The following DNAH7 variants were observed in gnomAD, a reference collection of about 807,000 sequenced individuals.
DNAH7 encodes the protein axonemal beta dynein heavy chain 7.
Under a neutral mutation model 444.6 loss-of-function variants are expected in DNAH7, and 397 were observed. The ratio of observed to expected loss-of-function variants is 0.89; its 90% CI spans 0.82 to 0.97. DNAH7 has a LOEUF of 0.97. Among genes scored for constraint, DNAH7 ranks in the 50% least tolerant of loss-of-function variants. The pLI is 0.00. For synonymous variants in DNAH7, 1,636 were observed against 1,624.4 expected (o/e 1.01, Z -0.17); for missense variants, 4,902 against 4,800.8 (o/e 1.02, Z -0.62).
At chr2:195,974,069 T>C (rs943091608) in intron 15 of DNAH7, among the ~76,000 whole-genome samples, 28 of 151,608 alleles carry the variant, frequency 1.8e-4, no homozygotes, top group Admixed American at 1.7e-3. Flanking sequence ...AGAATGAGAC[T>C]CCATTTCAAG....
chr2:195,857,813 AACTC>A (rs1336152851), intron 43 of DNAH7, 90 bp from the exon 44 acceptor site: 14 of 1,136,430 alleles, frequency 1.2e-5, no homozygotes, highest in South Asian at 6.7e-5. Context: ...AGCATACAGA[AACTC>A]ACTGTGTTCA....
At chr2:195,850,296 A>AG (rs1438819579) in intron 46 of DNAH7, among the ~76,000 whole-genome samples, 8 of 150,782 alleles carry the variant, frequency 5.3e-5, no homozygotes, top group African/African-American at 1.7e-4. Context: ...AAAAAAAAAA[A>AG]AGGGGAGAGA....
rs1174382112 is a variant in DNAH7, at chr2:195,857,701, A to G, written c.8090T>C (p.Met2697Thr). The part of the protein sequence containing the change: ...TAQDITVVKS[M>T]KSPPAGVKLV... ...CTTGACACCAGCAGGAGGACTCTTCATGGATTTTACCACTGTAATATCCTT... is the reference window on the plus strand; with the variant it reads ...CTTGACACCAGCAGGAGGACTCTTCGTGGATTTTACCACTGTAATATCCTT... The change falls in exon 44 of 65, where the codon ATG becomes ACG. Residue 2697 changes from methionine (M) to threonine (T), a missense_variant. By Grantham distance (81) the Met-to-Thr change is moderately conservative. Coordinates refer to ENST00000312428, the MANE Select transcript of DNAH7 (RefSeq NM_018897.3). 3 of 1,608,564 alleles carry G rather than the reference A, an allele frequency of 1.9e-6. No individual in the cohort carries two copies. The highest frequency in any genetic ancestry group is 8.5e-7 in the Non-Finnish European group (1 of 1,177,908).
In DNAH7 at chr2:196,027,949, T is replaced by G; in HGVS notation, c.486+11A>C. The G allele has an allele frequency of 6.2e-7, 1 of 1,608,824 alleles. No individual in the cohort carries two copies. The highest frequency in any genetic ancestry group is 2.2e-5 in the East Asian group (1 of 44,620). On this transcript the variant is annotated intron_variant, in intron 6 of 64. Transcript: ENST00000312428. The stretch of plus-strand genomic sequence containing the variant: ...TTTTCAATTATACAGACAAAACAAA[T>G]GGCCAGTTACCAAGATGTCTTTCTC...
At chr2:195,895,957 C>T (rs1053951050) in intron 29 of DNAH7, among the ~76,000 whole-genome samples, 1 of 152,074 alleles carries the variant, frequency 6.6e-6, no homozygotes. Context: ...AATCTATCCA[C>T]CTATTGATGT....
At chr2:195,803,127 G>C (rs531274637) in intron 54 of DNAH7, among the ~76,000 whole-genome samples, 4 of 152,002 alleles carry the variant, frequency 2.6e-5, no homozygotes, top group Non-Finnish European at 4.4e-5. Context: ...GTCTTTTCTC[G>C]ATAGATTTTT....
chr2:195,777,198 T>C (rs536146550), intron 59 of DNAH7, among the ~76,000 whole-genome samples: 1 of 152,272 alleles, frequency 6.6e-6, no homozygotes, highest in Admixed American at 6.5e-5. Context: ...GTCTTAGCAA[T>C]CTCTAGAAAT....
At chr2:195,841,309 AC>A (rs1298789401) in intron 47 of DNAH7, among the ~76,000 whole-genome samples, 1 of 151,648 alleles carries the variant, frequency 6.6e-6, no homozygotes, top group African/African-American at 2.4e-5. Context: ...GCAATTATAC[AC>A]AAACAAATCT....
intron 18 of DNAH7, among the ~76,000 whole-genome samples, chr2:195,959,772 C>A (rs1690950452): frequency 6.6e-6 from 1 of 152,196 alleles, no homozygotes; most frequent in Non-Finnish European, 1.5e-5. Flanking sequence ...ATTATAGTTT[C>A]ATTCTTTTTC....
chr2:195,789,795 A>T (rs1695792748), intron 57 of DNAH7, among the ~76,000 whole-genome samples: 2 of 152,244 alleles, frequency 1.3e-5, no homozygotes, highest in South Asian at 2.1e-4. Context: ...TGAGAAATTT[A>T]TTAAAAAACA....
chr2:195,762,811 G>C (rs1473006755), intron 61 of DNAH7, among the ~76,000 whole-genome samples: 1 of 151,952 alleles, frequency 6.6e-6, no homozygotes, highest in African/African-American at 2.4e-5. Context: ...TTCAGCATCA[G>C]ACAGACCATC....
chr2:195,764,732 A>G (rs1694496357), intron 61 of DNAH7, among the ~76,000 whole-genome samples: 1 of 152,140 alleles, frequency 6.6e-6, no homozygotes, highest in Non-Finnish European at 1.5e-5. Context: ...AAGAAATTGA[A>G]GAAGACACAG....
chr2:196,019,827 TAC>T (rs1297847458), intron 8 of DNAH7, among the ~76,000 whole-genome samples: 2 of 152,238 alleles, frequency 1.3e-5, no homozygotes, highest in African/African-American at 4.8e-5. Flanking sequence ...AAGACACATT[TAC>T]AGTTAACCCT....
At chr2:195,956,248 T>C (rs1463693877) in intron 19 of DNAH7, among the ~76,000 whole-genome samples, 3 of 152,192 alleles carry the variant, frequency 2.0e-5, no homozygotes, top group South Asian at 2.1e-4. Context: ...TAGTATTATA[T>C]TTTATCAAAA....
chr2:196,043,110 T>C (rs954351489), intron 5 of DNAH7, among the ~76,000 whole-genome samples: 4 of 152,090 alleles, frequency 2.6e-5, no homozygotes, highest in African/African-American at 9.7e-5. Context: ...ATGACAAAAG[T>C]ATTCTAAAAC....
rs748655159 is a variant in DNAH7 at position 195,873,693 on chromosome 2, A to T, written c.6288T>A (p.Gly2096=). 4.6e-6 allele frequency: 7 copies of T among 1,525,420 alleles called. No homozygotes were observed. In the Admixed American group the frequency reaches 1.7e-4, roughly 38 times the overall value. The allele number at this position is 1,525,420 out of a possible 1,614,324, so 94.5% of individuals were successfully genotyped here. The part of the protein sequence containing the change: ...IQIMCAMGPP[G]GGRNPVTPRY... Reference sequence around the variant, plus strand: ...GAGGAGTTACTGGATTTCGACCACCACCTAAATATTAAAAAGTATAACTCT... The same window carrying T: ...GAGGAGTTACTGGATTTCGACCACCTCCTAAATATTAAAAAGTATAACTCT... The change falls in exon 39 of 65, where the codon GGT becomes GGA. Residue 2096 remains glycine, a splice_region_variant and synonymous_variant. Coordinates refer to ENST00000312428, the MANE Select transcript of DNAH7 (RefSeq NM_018897.3).
At chr2:196,005,934 C>CACAA (rs1287107685) in intron 10 of DNAH7, among the ~76,000 whole-genome samples, 2 of 149,844 alleles carry the variant, frequency 1.3e-5, no homozygotes, top group African/African-American at 2.5e-5. Flanking sequence ...CACACACACA[C>CACAA]AAAAACTACA....
chr2:195,798,331 A>G (rs905180022), intron 55 of DNAH7, among the ~76,000 whole-genome samples: 1 of 152,118 alleles, frequency 6.6e-6, no homozygotes, highest in Non-Finnish European at 1.5e-5. Context: ...TAAGCACTCA[A>G]TACAAGTGGT....
chr2:196,058,758 C>T (rs1034175230), intron 1 of DNAH7, among the ~76,000 whole-genome samples: 5 of 152,050 alleles, frequency 3.3e-5, no homozygotes, highest in African/African-American at 1.2e-4. Flanking sequence ...TGCAATACAC[C>T]CTGAAAATAT....
Sources: allele counts gnomAD v4.1 joint callset (sites outside exome capture counted in the v4.1 genomes callset), GRCh38; gene constraint gnomAD v4.1.1; transcripts MANE v1.5; gene names NCBI Gene and HGNC (gene_info 2026-07-23, HGNC 2026-07-21).